BRINP3: variants seen among roughly 807,000 people sequenced by gnomAD.
BRINP3 encodes BMP/retinoic acid-inducible neural-specific protein 3.
BRINP3 carries 19 observed loss-of-function variants against 71.0 expected under a neutral mutation model. That is an observed-to-expected ratio of 0.27 (90% CI 0.19 to 0.39). The LOEUF is 0.39. BRINP3 is among the 10% of genes least tolerant of loss of function. The probability of loss-of-function intolerance (pLI) is 1.00; values close to 1 mark genes in which losing one functional copy is unlikely to be tolerated. For missense variants in BRINP3, 959 were observed against 940.8 expected, an observed-to-expected ratio of 1.02 and a Z score of -0.25; for synonymous variants, 380 against 337.7, an observed-to-expected ratio of 1.13 and a Z score of -1.37.
At chr1:190,444,562 G>T (rs1414788382) in intron 2 of BRINP3, among the ~76,000 whole-genome samples, 1 of 151,544 alleles carries the variant, frequency 6.6e-6, no homozygotes. Flanking sequence ...TTGAGACAGA[G>T]TCTTGCTCTG....
intron 2 of BRINP3, among the ~76,000 whole-genome samples, chr1:190,300,001 C>T (rs1172102513): frequency 2.0e-5 from 3 of 152,034 alleles, no homozygotes; most frequent in Non-Finnish European, 4.4e-5. Flanking sequence ...TTCATTTCAA[C>T]TTTGGTGAAT....
chr1:190,201,672 G>T (rs1161658403), intron 6 of BRINP3, among the ~76,000 whole-genome samples: 1 of 151,604 alleles, frequency 6.6e-6, no homozygotes, highest in Non-Finnish European at 1.5e-5. Flanking sequence ...GGGACTTGGT[G>T]TCCTGCATCC....
At chr1:190,298,474 T>C (rs1197184218) in intron 2 of BRINP3, among the ~76,000 whole-genome samples, 1 of 152,102 alleles carries the variant, frequency 6.6e-6, no homozygotes, top group Non-Finnish European at 1.5e-5. Context: ...TGCTATACAT[T>C]TCTCTCTCAG....
At chr1:190,378,949 T>C (rs1013408405) in intron 2 of BRINP3, among the ~76,000 whole-genome samples, 50 of 152,196 alleles carry the variant, frequency 3.3e-4, no homozygotes, top group Non-Finnish European at 6.5e-4. Context: ...CTGCCTGCTA[T>C]GCCATGAATC....
Position 190,248,463 on chromosome 1 carries a change from G to A in BRINP3, c.619-13986C>T, listed in dbSNP as rs1266128779. Among the ~76,000 whole-genome samples, 3 of 151,514 alleles carry A rather than the reference G, an allele frequency of 2.0e-5. No homozygotes were observed. The Admixed American group carries it at 2.0e-4, about 10-fold the overall frequency. On this transcript the variant is annotated intron_variant, in intron 4 of 7. Transcript: ENST00000367462. The stretch of plus-strand genomic sequence containing the variant: ...CCATAATGTGCCACCTGCCCATTAA[G>A]ATACTATCGTCTTAATTTTTCATTC...
intron 2 of BRINP3, among the ~76,000 whole-genome samples, chr1:190,331,403 A>T (rs1666955554): frequency 6.6e-6 from 1 of 152,030 alleles, no homozygotes; most frequent in Admixed American, 6.6e-5. Flanking sequence ...CACCATATTT[A>T]GTCCATTAGA....
chr1:190,471,707 A>G (rs996509082), intron 1 of BRINP3, among the ~76,000 whole-genome samples: 7 of 151,384 alleles, frequency 4.6e-5, no homozygotes, highest in Admixed American at 6.6e-5. Context: ...CTTGTTCCCA[A>G]TTAAGAGTAG....
chr1:190,235,673 T>C (rs889175761), intron 4 of BRINP3, among the ~76,000 whole-genome samples: 1 of 151,968 alleles, frequency 6.6e-6, no homozygotes, highest in African/African-American at 2.4e-5. Flanking sequence ...GTTGTTCTAG[T>C]ACCTGGAACG....
At chr1:190,165,161 T>C (rs1407541280) in intron 6 of BRINP3, among the ~76,000 whole-genome samples, 1 of 151,992 alleles carries the variant, frequency 6.6e-6, no homozygotes, top group Non-Finnish European at 1.5e-5. Context: ...ATGTCTGATA[T>C]ATATATAAAG....
chr1:190,254,199 G>GTGA (rs1660428834), intron 4 of BRINP3, among the ~76,000 whole-genome samples: 2 of 152,008 alleles, frequency 1.3e-5, no homozygotes, highest in South Asian at 4.2e-4. Context: ...GTCAGGTAGT[G>GTGA]TGATGCCTCC....
chr1:190,473,237 G>A (rs1677261355), intron 1 of BRINP3, among the ~76,000 whole-genome samples: 1 of 151,862 alleles, frequency 6.6e-6, no homozygotes, highest in Non-Finnish European at 1.5e-5. Context: ...AAGTATTAGG[G>A]AATTAGAATT....
intron 7 of BRINP3, among the ~76,000 whole-genome samples, chr1:190,101,442 CAG>C (rs1465004953): frequency 6.6e-6 from 1 of 152,106 alleles, no homozygotes; most frequent in African/African-American, 2.4e-5. Flanking sequence ...TTTCTGTATT[CAG>C]TCTTACAATG....
chr1:190,267,995 T>C (rs1661802772), intron 3 of BRINP3, among the ~76,000 whole-genome samples: 1 of 152,114 alleles, frequency 6.6e-6, no homozygotes, highest in African/African-American at 2.4e-5. Flanking sequence ...CAATATATTT[T>C]ACAATTAATA....
chr1:190,311,614 T>C (rs1299232136), intron 2 of BRINP3, among the ~76,000 whole-genome samples: 2 of 151,578 alleles, frequency 1.3e-5, no homozygotes, highest in Admixed American at 6.6e-5. Context: ...AAAATACTTA[T>C]TTTAATGTTA....
chr1:190,470,634 T>C (rs564032852), intron 1 of BRINP3, among the ~76,000 whole-genome samples: 2 of 151,308 alleles, frequency 1.3e-5, no homozygotes, highest in African/African-American at 4.8e-5. Context: ...ATAGTGATTA[T>C]TGAAAATAAC....
At chr1:190,318,336 T>C (rs1207546229) in intron 2 of BRINP3, among the ~76,000 whole-genome samples, 1 of 152,170 alleles carries the variant, frequency 6.6e-6, no homozygotes, top group Non-Finnish European at 1.5e-5. Flanking sequence ...TTTGATTCTT[T>C]TATTTCTATA....
chr1:190,395,135 T>G (rs1227519481), intron 2 of BRINP3, among the ~76,000 whole-genome samples: 1 of 151,780 alleles, frequency 6.6e-6, no homozygotes, highest in Non-Finnish European at 1.5e-5. Flanking sequence ...CCTGTGGTTA[T>G]TGTTTACTCA....
At chr1:190,101,507 A>G (rs950488725) in intron 7 of BRINP3, among the ~76,000 whole-genome samples, 3 of 152,088 alleles carry the variant, frequency 2.0e-5, no homozygotes, top group African/African-American at 7.2e-5. Flanking sequence ...TGTTTATGCC[A>G]TTTCATTCTT....
chr1:190,422,993 A>G (rs1349398992), intron 2 of BRINP3, among the ~76,000 whole-genome samples: 4 of 151,796 alleles, frequency 2.6e-5, no homozygotes, highest in South Asian at 2.1e-4. Context: ...TTTTGAAGTA[A>G]CAGATGTCCA....
Sources: allele counts gnomAD v4.1 joint callset (sites outside exome capture counted in the v4.1 genomes callset), GRCh38; gene constraint gnomAD v4.1.1; transcripts MANE v1.5; gene names NCBI Gene and HGNC (gene_info 2026-07-23, HGNC 2026-07-21).